PLOD1: variants seen among roughly 807,000 people sequenced by gnomAD.
The protein encoded by PLOD1 is procollagen-lysine,2-oxoglutarate 5-dioxygenase 1.
Under a neutral mutation model 94.7 loss-of-function variants are expected in PLOD1, and 70 were observed. That is an observed-to-expected ratio of 0.74 (90% CI 0.61 to 0.90). The LOEUF is 0.90. Among genes scored for constraint, PLOD1 ranks in the 40% least tolerant of loss-of-function variants. PLOD1 has a pLI of 0.00. For missense variants in PLOD1, 905 were observed against 972.7 expected (o/e 0.93, Z 0.93); for synonymous variants, 417 against 400.2 (o/e 1.04, Z -0.50).
rs1178294860 is a variant in PLOD1 at position 11,960,652 on chromosome 1, C to G, written c.982C>G (p.His328Asp). 6.2e-7 allele frequency: 1 copy of G among 1,611,410 alleles called. No individual in the cohort carries two copies. Among genetic ancestry groups the G allele is most frequent in the East Asian group, 2.2e-5 (1 of 44,894 alleles). ...MRLFIHNHEQ[H>D]HKAQVEEFLA... Reference sequence around the variant, plus strand: ...TCCCCATCCCCAACCCCAGGAGCAGCACCACAAGGCTCAGGTGGAAGAGTT... The same window carrying G: ...TCCCCATCCCCAACCCCAGGAGCAGGACCACAAGGCTCAGGTGGAAGAGTT... Residue 328 changes from histidine to aspartate, a missense_variant, in exon 10 of 19, where the codon CAC becomes GAC. Transcript: ENST00000196061.
At chr1:11,946,410 A>G (rs1039654600) in intron 1 of PLOD1, among the ~76,000 whole-genome samples, 2 of 152,360 alleles carry the variant, frequency 1.3e-5, no homozygotes, top group African/African-American at 4.8e-5. Flanking sequence ...AAAGGTCAGC[A>G]GTGGACCAGT....
In PLOD1 at chr1:11,972,606, C is replaced by G; in HGVS notation, c.1903-266C>G. On this transcript the variant is annotated intron_variant, in intron 17 of 18. Transcript: ENST00000196061. This position sits in a 1 kb window ranked among gnomAD's most constrained non-coding sequence, Gnocchi z 4.6. ...TCATTTCTTCTCTTCCCTTTTCCTC[C>G]CTTCCTCCCTCCCTCCCTTCCTTTC... 2.3e-6 allele frequency: 1 copy of G among 437,384 alleles called. No individual in the cohort carries two copies. Among genetic ancestry groups the G allele is most frequent in the Non-Finnish European group, 4.3e-6 (1 of 235,144 alleles). 27.1% of individuals were successfully genotyped at this position (437,384 alleles called of 1,614,324 possible).
At position 11,949,857 on chromosome 1, in the gene PLOD1, C is replaced by G. The variant is rs1467075585; in HGVS notation, c.253C>G (p.Leu85Val). ...GAAGGTCCGGCTGCTGAAGAAAGCTCTGGAGAAGCACGCAGACAAGGAGGA... is the reference window on the plus strand; with the variant it reads ...GAAGGTCCGGCTGCTGAAGAAAGCTGTGGAGAAGCACGCAGACAAGGAGGA... The part of the protein sequence containing the change: ...GQKVRLLKKA[L>V]EKHADKEDLV... Residue 85 changes from leucine to valine, a missense_variant, in exon 3 of 19, where the codon CTG becomes GTG. Physicochemically the swap from Leu to Val is conservative, Grantham distance 32. Transcript: ENST00000196061. 3 of 1,614,140 alleles carry G rather than the reference C, an allele frequency of 1.9e-6. No individual in the cohort carries two copies. The highest frequency in any genetic ancestry group is 2.2e-5 in the South Asian group (2 of 91,086).
intron 4 of PLOD1, among the ~76,000 whole-genome samples, chr1:11,951,102 C>T (rs1228540070): frequency 6.6e-6 from 1 of 151,708 alleles, no homozygotes; most frequent in Non-Finnish European, 1.5e-5. Flanking sequence ...CCACCTGCCT[C>T]CTACTTCCTA....
intron 10 of PLOD1, 29 bp downstream of exon 10, chr1:11,960,796 T>C: frequency 6.2e-7 from 1 of 1,611,564 alleles, no homozygotes; most frequent in Non-Finnish European, 8.5e-7. Flanking sequence ...TACTCTCCAC[T>C]GACAGTGGGG....
At chr1:11,966,869 G>A in intron 15 of PLOD1, 118 bp from the exon 16 acceptor site, 10 of 762,348 alleles carry the variant, frequency 1.3e-5, no homozygotes, top group South Asian at 1.3e-4. Context: ...GATTGACAAG[G>A]CCCTGCTCCC....
chr1:11,965,590 C>G lies in PLOD1; in HGVS notation c.1581C>G (p.Pro527=), dbSNP rs142934642. The G allele has an allele frequency of 1.9e-6, 3 of 1,597,458 alleles. No homozygotes were observed. The highest frequency in any genetic ancestry group is 3.3e-5 in the Admixed American group (2 of 60,004). ...ACCTCTGGGAGGTGTTCAGCAACCCCGAGGTGAGGCCAGGGTGGGCACATA... is the reference window on the plus strand; with the variant it reads ...ACCTCTGGGAGGTGTTCAGCAACCCGGAGGTGAGGCCAGGGTGGGCACATA... ...HNDLWEVFSN[P]EDWKEKYIHQ... Residue 527 remains proline (P), a synonymous_variant, in exon 14 of 19, where the codon CCC becomes CCG. Transcript: ENST00000196061.
chr1:11,960,846 G>A (rs1569714017), intron 10 of PLOD1, 79 bp downstream of exon 10: 1 of 1,595,816 alleles, frequency 6.3e-7, no homozygotes, highest in East Asian at 2.2e-5. Flanking sequence ...AGCAGGCTGA[G>A]TGACAGGAGT....
intron 16 of PLOD1, among the ~76,000 whole-genome samples, chr1:11,970,001 G>A (rs1645849520): frequency 6.6e-6 from 1 of 151,778 alleles, no homozygotes; most frequent in Non-Finnish European, 1.5e-5. Context: ...AGCACTTTGG[G>A]AGGCCGAGGT....
chr1:11,953,964 A>G (rs1252013445), intron 5 of PLOD1, among the ~76,000 whole-genome samples: 1 of 151,440 alleles, frequency 6.6e-6, no homozygotes, highest in Non-Finnish European at 1.5e-5. Flanking sequence ...TCCCGGACTC[A>G]AGCGATCCTC....
chr1:11,960,285 C>G (rs1460340018), intron 9 of PLOD1, among the ~76,000 whole-genome samples: 1 of 152,162 alleles, frequency 6.6e-6, no homozygotes, highest in Non-Finnish European at 1.5e-5. Context: ...TGTTGTTTTT[C>G]AAAGCGAAGT....
In PLOD1 at chr1:11,964,241, T is replaced by C. The variant is rs1645799780; in HGVS notation, c.1269T>C (p.Ser423=). The C allele has an allele frequency of 6.3e-7, 1 of 1,596,936 alleles. No individual in the cohort carries two copies. Among genetic ancestry groups the C allele is most frequent in the African/African-American group, 1.4e-5 (1 of 72,638 alleles). ...GGTCGAACTTCTGGGGGGCTCTCAG[T>C]GCAGATGGCTACTATGCCCGTTCCG... ...RLWSNFWGAL[S]ADGYYARSED... The change falls in exon 12 of 19, where the codon AGT becomes AGC. Residue 423 remains serine, a synonymous_variant. Transcript: ENST00000196061.
At chr1:11,953,804 CAATAAT>C (rs1364480742) in intron 5 of PLOD1, among the ~76,000 whole-genome samples, 1 of 151,464 alleles carries the variant, frequency 6.6e-6, no homozygotes, top group African/African-American at 2.4e-5. Flanking sequence ...AAAAAAAAAG[CAATAAT>C]GATAATACTT....
intron 11 of PLOD1, 21 bp from the exon 12 acceptor site, chr1:11,964,154 T>C: frequency 6.2e-7 from 1 of 1,613,198 alleles, no homozygotes; most frequent in Non-Finnish European, 8.5e-7. Flanking sequence ...GACCTCCTAC[T>C]GAGGTGCTCC....
chr1:11,958,145 C>T lies in PLOD1; in HGVS notation c.843+202C>T, dbSNP rs983172706. 5.3e-5 allele frequency among the ~76,000 whole-genome samples: 8 copies of T among 152,118 alleles called. No homozygotes were observed. Among genetic ancestry groups the T allele is most frequent in the Non-Finnish European group, 8.8e-5 (6 of 68,002 alleles). ...CAGATTGCATGTCTCTAGCTTCCCC[C>T]GAGATGTCCAGGTTCTGGTTTCTTC... On this transcript the variant is annotated intron_variant, in intron 8 of 18. Coordinates refer to ENST00000196061, the MANE Select transcript of PLOD1 (RefSeq NM_000302.4). This position sits in a 1 kb window ranked among gnomAD's most constrained non-coding sequence, Gnocchi z 4.3.
intron 16 of PLOD1, among the ~76,000 whole-genome samples, chr1:11,967,325 G>A (rs1287377288): frequency 6.6e-6 from 1 of 152,006 alleles, no homozygotes; most frequent in African/African-American, 2.4e-5. Flanking sequence ...TGCCTTGACC[G>A]TAAGCTACTA....
intron 1 of PLOD1, 120 bp downstream of exon 1, chr1:11,934,975 GCTCCTTGTCCA>G: frequency 8.0e-7 from 1 of 1,243,214 alleles, no homozygotes. Context: ...CTGGGTTCCG[GCTCCTTGTCCA>G]CTTAATCGCT....
chr1:11,960,291 G>A (rs911949182), intron 9 of PLOD1, among the ~76,000 whole-genome samples: 2 of 152,318 alleles, frequency 1.3e-5, no homozygotes, highest in Admixed American at 6.5e-5. Flanking sequence ...TTTTCAAAGC[G>A]AAGTTGAGGA....
At chr1:11,938,331 GTC>G (rs1645593885) in intron 1 of PLOD1, among the ~76,000 whole-genome samples, 1 of 152,112 alleles carries the variant, frequency 6.6e-6, no homozygotes, top group African/African-American at 2.4e-5. Context: ...TAAACATCTG[GTC>G]TCTCATTGCC....
Sources: gnomAD v4.1 joint callset for allele counts (sites outside exome capture counted in the v4.1 genomes callset) on GRCh38, gnomAD v4.1.1 for gene constraint, Gnocchi (gnomAD v3.1) non-coding constraint, MANE v1.5 for transcripts, NCBI Gene and HGNC (gene_info 2026-07-23, HGNC 2026-07-21) for gene names.